The following MAML2 variants were observed in gnomAD, a reference collection of about 807,000 sequenced individuals.
MAML2 encodes the protein mastermind like transcriptional coactivator 2, also known as mastermind-like protein 2.
MAML2 carries 22 observed loss-of-function variants against 96.1 expected under a neutral mutation model. The observed-to-expected ratio is 0.23, with a 90% CI of 0.16 to 0.33. The LOEUF (loss-of-function observed/expected upper bound fraction) is 0.33, where lower values mean the gene tolerates loss of function less well. Ranked by LOEUF, MAML2 falls within the 10% of genes least tolerant of loss-of-function variation. The pLI, the probability that MAML2 is intolerant of heterozygous loss-of-function variation, is 1.00. For synonymous variants in MAML2, 561 were observed against 521.3 expected, an observed-to-expected ratio of 1.08 and a Z score of -1.04; for missense variants, 1,367 against 1,392.4, an observed-to-expected ratio of 0.98 and a Z score of 0.29.
chr11:96,260,312 G>C (rs887982277), intron 1 of MAML2, among the ~76,000 whole-genome samples: 1 of 152,174 alleles, frequency 6.6e-6, no homozygotes, highest in Non-Finnish European at 1.5e-5. Flanking sequence ...GGTGACACTG[G>C]AATAACAGGA....
At chr11:96,154,267 G>A (rs778564048) in intron 1 of MAML2, among the ~76,000 whole-genome samples, 1 of 152,102 alleles carries the variant, frequency 6.6e-6, no homozygotes, top group African/African-American at 2.4e-5. Flanking sequence ...TCCCAGGTGC[G>A]GTAGCTACTC....
intron 1 of MAML2, among the ~76,000 whole-genome samples, chr11:96,186,784 AGT>A (rs1280283350): frequency 6.6e-6 from 1 of 152,210 alleles, no homozygotes; most frequent in African/African-American, 2.4e-5. Context: ...ATAGTAGGTG[AGT>A]GTTAGAGTGG....
chr11:96,195,817 A>G (rs914510188), intron 1 of MAML2, among the ~76,000 whole-genome samples: 2 of 152,242 alleles, frequency 1.3e-5, no homozygotes, highest in African/African-American at 4.8e-5. Flanking sequence ...TGTGACTACC[A>G]AACTACTATC....
chr11:95,989,420 G>T (rs1382639668), intron 3 of MAML2, among the ~76,000 whole-genome samples: 1 of 152,222 alleles, frequency 6.6e-6, no homozygotes, highest in African/African-American at 2.4e-5. Flanking sequence ...CTCAACTGGG[G>T]CCCAGTGGGA....
At chr11:96,129,284 G>T (rs916334891) in intron 1 of MAML2, among the ~76,000 whole-genome samples, 8 of 152,064 alleles carry the variant, frequency 5.3e-5, no homozygotes, top group African/African-American at 1.9e-4. Flanking sequence ...GTAAAGAAGA[G>T]GTCTCTTCAT....
chr11:96,251,497 A>G (rs1862580856), intron 1 of MAML2, among the ~76,000 whole-genome samples: 1 of 152,228 alleles, frequency 6.6e-6, no homozygotes, highest in Admixed American at 6.5e-5. Context: ...ATGTAAGTAA[A>G]TTGGAAACTC....
chr11:96,209,609 A>AAACAAACAAAAAAC (rs61564435), intron 1 of MAML2, among the ~76,000 whole-genome samples: 6 of 151,446 alleles, frequency 4.0e-5, no homozygotes, highest in South Asian at 4.2e-4. Flanking sequence ...AACAAACAAA[A>AAACAAACAAAAAAC]AAGCAAAGTA....
chr11:96,041,541 G>GGAAA lies in MAML2; in HGVS notation c.2140-49822_2140-49819dup, dbSNP rs1252402135. 1.5e-4 allele frequency among the ~76,000 whole-genome samples: 23 copies of GGAAA among 150,582 alleles called. 1 individual carries two copies. Among genetic ancestry groups the GGAAA allele is most frequent in the Admixed American group, 4.0e-4 (6 of 15,112 alleles). On this transcript the variant is annotated intron_variant, in intron 2 of 4. Coordinates refer to ENST00000524717, the MANE Select transcript of MAML2 (RefSeq NM_032427.4). ...GGAAGGAAGGGAAGGAAGGAGGAAG[G>GGAAA]GAAAGAAAGAAAGAAAGAAAAAAGA... is the stretch of plus-strand genomic sequence containing the variant.
chr11:96,091,785 T>A, intron 2 of MAML2, 107 bp downstream of exon 2: 1 of 1,438,922 alleles, frequency 6.9e-7, no homozygotes. Flanking sequence ...ACCACTACTG[T>A]CTTTGGTCTT....
At chr11:96,090,021 T>C (rs1350342109) in intron 2 of MAML2, among the ~76,000 whole-genome samples, 1 of 151,782 alleles carries the variant, frequency 6.6e-6, no homozygotes, top group East Asian at 1.9e-4. Context: ...ATGGAAATAA[T>C]GGCATTTCCC....
chr11:96,092,864 G>A lies in MAML2; in HGVS notation c.1167C>T (p.Pro389=), dbSNP rs1247821796. ...GGGCAGAGTTGGCCATGGAGAATGC[G>A]GGGCCAGCTGATGGGGGCCTCAGCT... is the stretch of plus-strand genomic sequence containing the variant. ...SPQLRPPSAG[P]AFSMANSALS... Residue 389 remains proline (P), a synonymous_variant, in exon 2 of 5, where the codon CCC becomes CCT. Coordinates refer to ENST00000524717, the MANE Select transcript of MAML2 (RefSeq NM_032427.4). This position sits in a 1 kb window ranked among gnomAD's most constrained non-coding sequence, Gnocchi z 4.1. The A allele has an allele frequency of 1.1e-5, 17 of 1,606,122 alleles. No individual in the cohort carries two copies. The highest frequency in any genetic ancestry group is 1.7e-4 in the Middle Eastern group (1 of 6,042).
chr11:96,327,720 T>C (rs1863804320), intron 1 of MAML2, among the ~76,000 whole-genome samples: 1 of 151,940 alleles, frequency 6.6e-6, no homozygotes, highest in African/African-American at 2.4e-5. Context: ...CGCCCGGCCC[T>C]TTCCCATACT....
At chr11:96,317,458 G>T (rs1863646978) in intron 1 of MAML2, among the ~76,000 whole-genome samples, 1 of 152,150 alleles carries the variant, frequency 6.6e-6, no homozygotes, top group South Asian at 2.1e-4. Flanking sequence ...AATTATGAGG[G>T]TATGTGAGAT....
At chr11:96,080,703 C>T (rs991070481) in intron 2 of MAML2, among the ~76,000 whole-genome samples, 10 of 152,078 alleles carry the variant, frequency 6.6e-5, no homozygotes, top group South Asian at 6.2e-4. Context: ...AAGTATTTGC[C>T]GAATGATAAA....
At chr11:96,225,638 C>A (rs1195707574) in intron 1 of MAML2, among the ~76,000 whole-genome samples, 2 of 152,060 alleles carry the variant, frequency 1.3e-5, no homozygotes, top group Non-Finnish European at 2.9e-5. Context: ...TCAAGACCAG[C>A]CTGAGCAACA....
intron 2 of MAML2, among the ~76,000 whole-genome samples, chr11:95,992,164 A>G (rs1857924491): frequency 6.6e-6 from 1 of 152,206 alleles, no homozygotes; most frequent in Non-Finnish European, 1.5e-5. Context: ...AGTTGAAACT[A>G]TTTTGGACAG....
intron 2 of MAML2, among the ~76,000 whole-genome samples, chr11:96,041,975 A>ATTT (rs549945518): frequency 6.6e-5 from 8 of 121,788 alleles, no homozygotes; most frequent in East Asian, 2.4e-4. Context: ...CGCCCGGCTA[A>ATTT]TTTTTTTTTT....
intron 1 of MAML2, among the ~76,000 whole-genome samples, chr11:96,151,498 T>C (rs532067638): frequency 2.6e-5 from 4 of 152,218 alleles, no homozygotes; most frequent in African/African-American, 2.4e-5. Context: ...CCAAATCTCA[T>C]GTTCAGTTGT....
At chr11:96,013,193 G>T (rs1279343127) in intron 2 of MAML2, among the ~76,000 whole-genome samples, 1 of 152,164 alleles carries the variant, frequency 6.6e-6, no homozygotes, top group Non-Finnish European at 1.5e-5. Context: ...AGTAGGTTAT[G>T]TATCAACAAA....
Sources: gnomAD v4.1 joint callset for allele counts (sites outside exome capture counted in the v4.1 genomes callset) on GRCh38, gnomAD v4.1.1 for gene constraint, Gnocchi (gnomAD v3.1) non-coding constraint, MANE v1.5 for transcripts, NCBI Gene and HGNC (gene_info 2026-07-23, HGNC 2026-07-21) for gene names.